Variants in MST1R observed in about 807,000 individuals in gnomAD.
MST1R encodes macrophage stimulating 1 receptor.
A neutral mutation model predicts 117.8 loss-of-function variants in MST1R; 99 were observed. That is an observed-to-expected ratio of 0.84 (90% CI 0.71 to 0.99). MST1R has a LOEUF of 0.99. Ranked by LOEUF, MST1R falls within the 50% of genes least tolerant of loss-of-function variation. The probability of loss-of-function intolerance (pLI) is 0.00; values close to 1 mark genes in which losing one functional copy is unlikely to be tolerated. For missense variants in MST1R, 1,683 were observed against 1,840.2 expected (o/e 0.91, Z 1.56); for synonymous variants, 734 against 765.3 (o/e 0.96, Z 0.68).
At chr3:49,896,157 G>C (rs2108442525) in intron 10 of MST1R, 38 bp downstream of exon 10, 1 of 1,614,148 alleles carries the variant, frequency 6.2e-7, no homozygotes, top group Non-Finnish European at 8.5e-7. Context: ...CCTACTTTCA[G>C]ATCCCCAACT....
In MST1R at chr3:49,896,675, A is replaced by G. The variant is rs370455930; in HGVS notation, c.2346-42T>C. 1.9e-5 allele frequency: 31 copies of G among 1,611,590 alleles called. No individual in the cohort carries two copies. The African/African-American group carries it at 3.7e-4, about 19-fold the overall frequency. ...GGTGGTAGGCTTTGGGTGTTCTCCA[A>G]AGCTGGCTCTCTCATTCCCCAGAGG... On this transcript the variant is annotated intron_variant, in intron 8 of 19. Coordinates refer to ENST00000296474, the MANE Select transcript of MST1R (RefSeq NM_002447.4).
intron 19 of MST1R, 102 bp from the exon 20 acceptor site, chr3:49,887,664 T>C (rs2108353069): frequency 1.5e-6 from 2 of 1,324,746 alleles, no homozygotes; most frequent in East Asian, 2.3e-5. Flanking sequence ...GGGATGAGGA[T>C]AGATGACAGG....
intron 1 of MST1R, among the ~76,000 whole-genome samples, chr3:49,902,135 C>T (rs2082699212): frequency 6.6e-6 from 1 of 152,076 alleles, no homozygotes; most frequent in Admixed American, 6.5e-5. Flanking sequence ...CCATGATGGG[C>T]AGGTAGGGGA....
rs2108508528 is a variant in MST1R, at chr3:49,902,996, G to A, written c.614C>T (p.Ala205Val). The A allele has an allele frequency of 6.2e-7, 1 of 1,613,118 alleles. No homozygotes were observed. The highest frequency in any genetic ancestry group is 8.5e-7 in the Non-Finnish European group (1 of 1,180,032). ...TGGGCTGAAGCTGGCAGCCACGGCT[G>A]CGTCCAGTGAGGATGCCACGTAGAA... ...SYFYVASSLD[A>V]AVAASFSPRS... The change falls in exon 1 of 20, where the codon GCA (alanine) becomes GTA (valine). Residue 205 changes from alanine (A) to valine (V), a missense_variant. Transcript: ENST00000296474.
At position 49,890,509 on chromosome 3, in the gene MST1R, A is replaced by G. The variant is rs1363080747; in HGVS notation, c.3786T>C (p.Tyr1262=). 2.8e-5 allele frequency: 45 copies of G among 1,613,792 alleles called. No individual in the cohort carries two copies. The highest frequency in any genetic ancestry group is 3.6e-5 in the Non-Finnish European group (42 of 1,179,894). The part of the protein sequence containing the change: ...KWMALESLQT[Y]RFTTKSDVWS... Reference sequence around the variant, plus strand: ...CCACATCAGACTTGGTGGTAAATCTATAGGTCTGCAGGCTCTCCAGCGCCA... The same window carrying G: ...CCACATCAGACTTGGTGGTAAATCTGTAGGTCTGCAGGCTCTCCAGCGCCA... The change falls in exon 18 of 20, where the codon TAT becomes TAC. Residue 1262 remains tyrosine, a synonymous_variant. Transcript: ENST00000296474.
intron 3 of MST1R, 38 bp downstream of exon 3, chr3:49,898,829 A>C (rs772710863): frequency 2.2e-5 from 35 of 1,612,498 alleles, no homozygotes; most frequent in Non-Finnish European, 2.8e-5. Flanking sequence ...CTGTGATCCC[A>C]CAACCCTGGC....
At position 49,890,634 on chromosome 3, in the gene MST1R, T is replaced by A; in HGVS notation, c.3661A>T (p.Thr1221Ser). 6.2e-7 allele frequency: 1 copy of A among 1,612,404 alleles called. No individual in the cohort carries two copies. The highest frequency in any genetic ancestry group is 1.1e-5 in the South Asian group (1 of 90,916). The change falls in exon 18 of 20, where the codon ACA (threonine) becomes TCA (serine). Residue 1221 changes from threonine (T) to serine (S), a missense_variant. By Grantham distance (58) the Thr-to-Ser change is moderately conservative. Coordinates refer to ENST00000296474, the MANE Select transcript of MST1R (RefSeq NM_002447.4). ...ARNCMLDESF[T>S]VKVADFGLAR... Reference sequence around the variant, plus strand: ...AAACCAAAGTCAGCCACCTTGACTGTGAATGACTCGTCCAGCCTTAGGGGT... The same window carrying A: ...AAACCAAAGTCAGCCACCTTGACTGAGAATGACTCGTCCAGCCTTAGGGGT...
chr3:49,896,422 A>C lies in MST1R; in HGVS notation c.2440-18T>G. On this transcript the variant is annotated intron_variant, in intron 9 of 19. Coordinates refer to ENST00000296474, the MANE Select transcript of MST1R (RefSeq NM_002447.4). ...CTCTCACACTGCTGGGACCAATATGAGAGTGATTAGCCAGGAACCCCACCT... is the reference window on the plus strand; with the variant it reads ...CTCTCACACTGCTGGGACCAATATGCGAGTGATTAGCCAGGAACCCCACCT... 1 of 1,608,864 alleles carries C rather than the reference A, an allele frequency of 6.2e-7. No homozygotes were observed. Among genetic ancestry groups the C allele is most frequent in the South Asian group, 1.1e-5 (1 of 90,824 alleles).
In MST1R at chr3:49,898,540, T is replaced by A. The variant is rs1203545854; in HGVS notation, c.1697A>T (p.His566Leu). ...TACCTCAGTAAGCTTAGGTGGGCAGTGGTCCTGTTGCCAGGAGCCAGGACA... is the reference window on the plus strand; with the variant it reads ...TACCTCAGTAAGCTTAGGTGGGCAGAGGTCCTGTTGCCAGGAGCCAGGACA... ...KECPGSWQQDHCPPKLTEFHP... is the reference protein window; with the variant it reads ...KECPGSWQQDLCPPKLTEFHP... The change falls in exon 4 of 20, where the codon CAC (histidine) becomes CTC (leucine). Residue 566 changes from histidine to leucine, a missense_variant. By Grantham distance (99) the His-to-Leu change is moderately conservative. Transcript: ENST00000296474. The A allele has an allele frequency of 6.2e-7, 1 of 1,613,880 alleles. No homozygotes were observed.
intron 19 of MST1R, among the ~76,000 whole-genome samples, chr3:49,888,053 G>C (rs2082213053): frequency 6.6e-6 from 1 of 152,220 alleles, no homozygotes; most frequent in African/African-American, 2.4e-5. Context: ...CAGCACTTTG[G>C]GAGGCTGAGG....
chr3:49,896,833 G>A lies in MST1R; in HGVS notation c.2241C>T (p.Val747=). ...ATPPGATVAS[V]PLSLQVGGAQ... ...CACCCCCCACCTGCAGGCTAAGGGG[G>A]ACACTGGCCACCGTGGCCCCAGGGG... is the stretch of plus-strand genomic sequence containing the variant. The change falls in exon 8 of 20, where the codon GTC becomes GTT. Residue 747 remains valine (V), a synonymous_variant. Transcript: ENST00000296474. 1 of 1,556,180 alleles carries A rather than the reference G, an allele frequency of 6.4e-7. No individual in the cohort carries two copies. Among genetic ancestry groups the A allele is most frequent in the Non-Finnish European group, 8.7e-7 (1 of 1,149,112 alleles).
chr3:49,890,273 T>A (rs568225442), intron 18 of MST1R, among the ~76,000 whole-genome samples: 4 of 152,304 alleles, frequency 2.6e-5, no homozygotes, highest in Admixed American at 6.5e-5. Flanking sequence ...AGGCCCTGGA[T>A]TATCTGTGAG....
chr3:49,890,006 G>A lies in MST1R; in HGVS notation c.3865C>T (p.Arg1289Cys), dbSNP rs761180266. The change falls in exon 19 of 20, where the codon CGC becomes TGC. Residue 1289 changes from arginine to cysteine, a missense_variant. Transcript: ENST00000296474. ...GTAAGGTCAAAAGGGTCAATGTGGC[G>A]GTATGGTGGGGCACCCCGTGTCAGC... The part of the protein sequence containing the change: ...ELLTRGAPPY[R>C]HIDPFDLTHF... The A allele has an allele frequency of 9.9e-6, 16 of 1,613,622 alleles. No individual in the cohort carries two copies. In the East Asian group the frequency reaches 1.3e-4, roughly 13 times the overall value.
chr3:49,893,243 C>T (rs1184719915), intron 14 of MST1R, among the ~76,000 whole-genome samples: 1 of 151,344 alleles, frequency 6.6e-6, no homozygotes, highest in Non-Finnish European at 1.5e-5. Context: ...CATGCCACTG[C>T]ACTCCAGCCT....
At chr3:49,891,094 G>A (rs1334698456) in intron 17 of MST1R, 103 bp downstream of exon 17, 2 of 1,010,442 alleles carry the variant, frequency 2.0e-6, no homozygotes, top group Non-Finnish European at 3.0e-6. Flanking sequence ...GTGCAGAGAG[G>A]GGAGGACAAG....
At chr3:49,894,686 T>G (rs998118173) in intron 14 of MST1R, among the ~76,000 whole-genome samples, 1 of 152,232 alleles carries the variant, frequency 6.6e-6, no homozygotes, top group Admixed American at 6.5e-5. Flanking sequence ...GACAGAACTT[T>G]TCTCATCCCC....
chr3:49,892,295 G>T (rs2082338380), intron 14 of MST1R, among the ~76,000 whole-genome samples: 1 of 151,782 alleles, frequency 6.6e-6, no homozygotes, highest in African/African-American at 2.4e-5. Flanking sequence ...CAGCAGGGCT[G>T]CGTGCAGTGG....
chr3:49,891,967 TTTTA>T (rs778589497), intron 14 of MST1R, 129 bp from the exon 15 acceptor site: 1 of 659,896 alleles, frequency 1.5e-6, no homozygotes, highest in Non-Finnish European at 2.5e-6. Flanking sequence ...TATTTTTAAT[TTTTA>T]TTTATTTTTT....
At chr3:49,897,461 C>G in intron 6 of MST1R, 45 bp from the exon 7 acceptor site, 3 of 1,609,012 alleles carry the variant, frequency 1.9e-6, no homozygotes, top group Non-Finnish European at 2.5e-6. Context: ...CCACTCCAAG[C>G]CCCTCCCTTC....
Sources: gnomAD v4.1 joint callset for allele counts (sites outside exome capture counted in the v4.1 genomes callset) on GRCh38, gnomAD v4.1.1 for gene constraint, MANE v1.5 for transcripts, NCBI Gene and HGNC (gene_info 2026-07-23, HGNC 2026-07-21) for gene names.